KHDRBS2: variants seen among roughly 807,000 people sequenced by gnomAD.
KHDRBS2 encodes the protein KH RNA binding domain containing, signal transduction associated 2.
Under a neutral mutation model 44.3 loss-of-function variants are expected in KHDRBS2, and 26 were observed. That is an observed-to-expected ratio of 0.59 (90% confidence interval 0.43 to 0.81). The LOEUF (loss-of-function observed/expected upper bound fraction) is 0.81, where lower values mean the gene tolerates loss of function less well. Among genes scored for constraint, KHDRBS2 ranks in the 40% least tolerant of loss-of-function variants. KHDRBS2 has a pLI of 0.00. For synonymous variants in KHDRBS2, 194 were observed against 151.1 expected (o/e 1.28, Z -2.08); for missense variants, 476 against 433.1 (o/e 1.10, Z -0.88).
the KHDRBS2 span, among the ~76,000 whole-genome samples, chr6:61,625,561 G>A: frequency 3.9e-5 from 6 of 151,922 alleles, no homozygotes; most frequent in Non-Finnish European, 7.4e-5. Context: ...ACAGCAGAGC[G>A]ACTAGGGCCA....
chr6:61,570,096 A>G, the KHDRBS2 span, among the ~76,000 whole-genome samples: 3 of 152,194 alleles, frequency 2.0e-5, no homozygotes, highest in Non-Finnish European at 2.9e-5. Flanking sequence ...AGTTCTAGAT[A>G]AAGAATTCAG....
intron 2 of KHDRBS2, among the ~76,000 whole-genome samples, chr6:62,050,800 C>T (rs1464255203): frequency 6.6e-6 from 1 of 151,780 alleles, no homozygotes; most frequent in Non-Finnish European, 1.5e-5. Flanking sequence ...AGTATTTATC[C>T]CAGGGAATTA....
chr6:61,758,917 T>C (rs1025272640), intron 6 of KHDRBS2, among the ~76,000 whole-genome samples: 5 of 152,136 alleles, frequency 3.3e-5, no homozygotes, highest in African/African-American at 4.8e-5. Context: ...GTGCCATATT[T>C]ACCACACTGC....
At chr6:61,948,613 T>C (rs1009703809) in intron 4 of KHDRBS2, among the ~76,000 whole-genome samples, 2 of 150,934 alleles carry the variant, frequency 1.3e-5, no homozygotes, top group African/African-American at 4.9e-5. Flanking sequence ...ATTGTGAGGG[T>C]TAAGTTAAAA....
chr6:62,175,366 T>C (rs973545705), intron 2 of KHDRBS2, among the ~76,000 whole-genome samples: 1 of 151,630 alleles, frequency 6.6e-6, no homozygotes, highest in Non-Finnish European at 1.5e-5. Context: ...TCAGGTGTTA[T>C]CATTTTTCAC....
intron 4 of KHDRBS2, among the ~76,000 whole-genome samples, chr6:61,951,752 C>T (rs1474541569): frequency 2.0e-5 from 3 of 152,016 alleles, no homozygotes; most frequent in Non-Finnish European, 1.5e-5. Context: ...TTGACAGAGC[C>T]ATTTATGGCC....
chr6:62,221,674 G>A (rs1830918628), intron 1 of KHDRBS2, among the ~76,000 whole-genome samples: 1 of 151,946 alleles, frequency 6.6e-6, no homozygotes, highest in Non-Finnish European at 1.5e-5. Flanking sequence ...ATATGTAAGA[G>A]AAAATAGAAA....
chr6:61,599,679 G>A, the KHDRBS2 span, among the ~76,000 whole-genome samples: 1 of 152,168 alleles, frequency 6.6e-6, no homozygotes, highest in Non-Finnish European at 1.5e-5. Context: ...GGCAACAAGG[G>A]TTGAGACAAC....
intron 6 of KHDRBS2, among the ~76,000 whole-genome samples, chr6:61,777,907 T>A (rs1322083): frequency 0.64 from 97,325 of 151,858 alleles, 31,898 homozygotes; most frequent in African/African-American, 0.79. Flanking sequence ...GTAAAGGTAA[T>A]CTTGTGTCAC....
chr6:61,697,110 G>T (rs1424092543), intron 8 of KHDRBS2, 85 bp downstream of exon 8: 1 of 932,480 alleles, frequency 1.1e-6, no homozygotes, highest in Non-Finnish European at 1.8e-6. Flanking sequence ...GAAAAACTAG[G>T]GGGAGAAAGA....
intron 2 of KHDRBS2, among the ~76,000 whole-genome samples, chr6:62,110,145 C>G (rs1662659087): frequency 6.6e-6 from 1 of 151,974 alleles, no homozygotes; most frequent in Admixed American, 6.6e-5. Flanking sequence ...TGCTACCTAC[C>G]TAATAGAATT....
intron 3 of KHDRBS2, among the ~76,000 whole-genome samples, chr6:62,001,801 G>C (rs1446886796): frequency 6.6e-6 from 1 of 152,060 alleles, no homozygotes; most frequent in Non-Finnish European, 1.5e-5. Context: ...ACAAATCTCA[G>C]AGGTGAAAAG....
chr6:62,166,442 C>T (rs1254360778), intron 2 of KHDRBS2, among the ~76,000 whole-genome samples: 1 of 151,920 alleles, frequency 6.6e-6, no homozygotes, highest in African/African-American at 2.4e-5. Flanking sequence ...TTGTGTATTA[C>T]ATAAATTTAT....
intron 6 of KHDRBS2, among the ~76,000 whole-genome samples, chr6:61,853,440 A>C (rs1224612222): frequency 1.3e-5 from 2 of 152,208 alleles, no homozygotes; most frequent in Admixed American, 1.3e-4. Flanking sequence ...TTATGTGATC[A>C]AAAACCTAGG....
At chr6:61,745,050 T>C (rs1294762836) in intron 6 of KHDRBS2, among the ~76,000 whole-genome samples, 2 of 152,122 alleles carry the variant, frequency 1.3e-5, no homozygotes, top group African/African-American at 2.4e-5. Flanking sequence ...GGTTTCCAAG[T>C]AGGTGACTCT....
chr6:62,212,082 T>C (rs1034740849), intron 1 of KHDRBS2, among the ~76,000 whole-genome samples: 1 of 152,134 alleles, frequency 6.6e-6, no homozygotes, highest in Non-Finnish European at 1.5e-5. Context: ...CACATGTTCT[T>C]ATTCATAGGG....
the KHDRBS2 span, among the ~76,000 whole-genome samples, chr6:61,555,001 T>C: frequency 6.6e-6 from 1 of 152,272 alleles, no homozygotes. Context: ...GGTGGTCTTC[T>C]TGTTTCACAG....
chr6:61,677,142 G>A (rs896980087), downstream of KHDRBS2, among the ~76,000 whole-genome samples: 13 of 151,866 alleles, frequency 8.6e-5, no homozygotes, highest in Non-Finnish European at 1.8e-4. Flanking sequence ...AATGGTGAGA[G>A]AGTCATAGGT....
intron 8 of KHDRBS2, among the ~76,000 whole-genome samples, chr6:61,686,557 CCT>C (rs960960692): frequency 2.0e-5 from 3 of 151,624 alleles, no homozygotes; most frequent in African/African-American, 7.3e-5. Context: ...TGTTTAAACA[CCT>C]ATCATATTTT....
Sources: gnomAD v4.1 joint callset for allele counts (sites outside exome capture counted in the v4.1 genomes callset) on GRCh38, gnomAD v4.1.1 for gene constraint, MANE v1.5 for transcripts, NCBI Gene and HGNC (gene_info 2026-07-23, HGNC 2026-07-21) for gene names.